TRMT11: variants seen among roughly 807,000 people sequenced by gnomAD.
TRMT11 encodes tRNA methyltransferase 11, also known as tRNA (guanine(10)-N(2))-methyltransferase TRMT11.
A neutral mutation model predicts 62.8 loss-of-function variants in TRMT11; 53 were observed. That is an observed-to-expected ratio of 0.84 (90% CI 0.68 to 1.06). TRMT11 has a LOEUF of 1.06. TRMT11 is among the 50% of genes least tolerant of loss of function. The pLI is 0.00. For missense variants in TRMT11, 556 were observed against 553.4 expected, an observed-to-expected ratio of 1.00 and a Z score of -0.05; for synonymous variants, 188 against 190.3, an observed-to-expected ratio of 0.99 and a Z score of 0.10.
intron 17 of TRMT11, among the ~76,000 whole-genome samples, chr6:126,056,006 C>G (rs1024056986): frequency 6.6e-6 from 1 of 152,194 alleles, no homozygotes; most frequent in African/African-American, 2.4e-5. Flanking sequence ...TCAAACAATA[C>G]AAGAGAGTCC....
chr6:126,133,823 A>G (rs1777817943), intron 21 of TRMT11, among the ~76,000 whole-genome samples: 2 of 151,938 alleles, frequency 1.3e-5, no homozygotes, highest in East Asian at 1.9e-4. Context: ...TTTAGAGAGA[A>G]GTTGAGCACC....
At chr6:126,046,014 T>C (rs1261587437) in intron 16 of TRMT11, among the ~76,000 whole-genome samples, 3 of 152,086 alleles carry the variant, frequency 2.0e-5, no homozygotes, top group African/African-American at 7.2e-5. Flanking sequence ...CATTAACTAG[T>C]ATTTGGTCTT....
rs762819323 is a variant in TRMT11 at position 125,996,054 on chromosome 6, A to C, written c.212+14A>C. ...AGTGTGTGCCAAGTAAGAGAAACTT[A>C]TGTTCTCCTGCATGAATATACTGGT... is the stretch of plus-strand genomic sequence containing the variant. On this transcript the variant is annotated intron_variant, in intron 3 of 12. Transcript: ENST00000334379. The C allele has an allele frequency of 5.9e-5, 92 of 1,562,190 alleles. No individual in the cohort carries two copies. Among genetic ancestry groups the C allele is most frequent in the Admixed American group, 1.3e-4 (8 of 59,870 alleles).
At chr6:126,116,589 A>G (rs1777589926) in intron 21 of TRMT11, among the ~76,000 whole-genome samples, 2 of 152,090 alleles carry the variant, frequency 1.3e-5, no homozygotes, top group South Asian at 2.1e-4. Flanking sequence ...GGCACGTTGG[A>G]GACCATCCTG....
intron 17 of TRMT11, among the ~76,000 whole-genome samples, chr6:126,087,207 C>T (rs921335932): frequency 6.6e-5 from 10 of 152,100 alleles, no homozygotes; most frequent in African/African-American, 2.4e-4. Flanking sequence ...TTCAAAGACA[C>T]AAATGACATT....
chr6:126,242,108 G>A, the TRMT11 span, among the ~76,000 whole-genome samples: 1 of 152,100 alleles, frequency 6.6e-6, no homozygotes, highest in Non-Finnish European at 1.5e-5. Context: ...AAATCAATGT[G>A]CAAAAATCAC....
Position 125,995,986 on chromosome 6 carries a change from G to T in TRMT11, c.158G>T (p.Ser53Ile). 6.2e-7 allele frequency: 1 copy of T among 1,611,088 alleles called. No individual in the cohort carries two copies. Among genetic ancestry groups the T allele is most frequent in the Non-Finnish European group, 8.5e-7 (1 of 1,177,322 alleles). Reference protein sequence around the residue: ...TYGKSPFWILSIPSEDIARNL... With the variant: ...TYGKSPFWILIIPSEDIARNL... ...TTTTAGTCACCATTTTGGATTCTTAGCATTCCCTCTGAAGATATTGCAAGA... is the reference window on the plus strand; with the variant it reads ...TTTTAGTCACCATTTTGGATTCTTATCATTCCCTCTGAAGATATTGCAAGA... The change falls in exon 3 of 13, where the codon AGC becomes ATC. Residue 53 changes from serine (S) to isoleucine (I), a missense_variant. Physicochemically the swap from Ser to Ile is moderately radical, Grantham distance 142 (BLOSUM62 -2). Transcript: ENST00000334379.
intron 21 of TRMT11, among the ~76,000 whole-genome samples, chr6:126,120,088 A>G (rs936818687): frequency 3.9e-5 from 6 of 152,106 alleles, no homozygotes; most frequent in African/African-American, 1.4e-4. Context: ...AGCCTGACCA[A>G]CATGGTGAAA....
intron 12 of TRMT11, among the ~76,000 whole-genome samples, chr6:126,033,882 A>G (rs1732553462): frequency 6.6e-6 from 1 of 152,166 alleles, no homozygotes. Context: ...TTCTTTGGCA[A>G]GTGTGTTAAA....
chr6:126,101,988 A>G (rs1468096909), intron 17 of TRMT11, among the ~76,000 whole-genome samples: 1 of 152,230 alleles, frequency 6.6e-6, no homozygotes, highest in African/African-American at 2.4e-5. Flanking sequence ...CCATCAGCTA[A>G]CCAGAAGACT....
At chr6:126,004,312 C>T (rs1793003215) in intron 7 of TRMT11, among the ~76,000 whole-genome samples, 1 of 151,916 alleles carries the variant, frequency 6.6e-6, no homozygotes, top group Non-Finnish European at 1.5e-5. Context: ...TTTAGGGCAG[C>T]TCCTCACAGT....
At chr6:126,083,079 A>G (rs894098659) in intron 17 of TRMT11, among the ~76,000 whole-genome samples, 1 of 152,196 alleles carries the variant, frequency 6.6e-6, no homozygotes, top group African/African-American at 2.4e-5. Flanking sequence ...TCCAAAGAAG[A>G]CATAAAAATG....
chr6:126,260,577 T>C, the TRMT11 span, among the ~76,000 whole-genome samples: 2 of 152,336 alleles, frequency 1.3e-5, no homozygotes, highest in South Asian at 2.1e-4. Context: ...CCATTTTCAG[T>C]TGTAGCACTC....
chr6:126,020,682 C>T (rs554544766), intron 11 of TRMT11, among the ~76,000 whole-genome samples: 55 of 152,148 alleles, frequency 3.6e-4, no homozygotes, highest in Non-Finnish European at 6.5e-4. Context: ...TTAAATTAGA[C>T]GTTTAAATTT....
At chr6:126,015,299 C>T (rs1453796794) in intron 11 of TRMT11, among the ~76,000 whole-genome samples, 1 of 143,630 alleles carries the variant, frequency 7.0e-6, no homozygotes, top group African/African-American at 2.7e-5. Flanking sequence ...GATCTTGGCT[C>T]ACTGCAAGCT....
chr6:126,202,137 A>G (rs144685285), exon 4 of TRMT11: 1 of 152,344 alleles, frequency 6.6e-6, no homozygotes, highest in East Asian at 1.9e-4. Context: ...ACTCATATGT[A>G]GCCCTGGTAC....
intron 3 of TRMT11, among the ~76,000 whole-genome samples, chr6:126,200,616 A>G (rs534390968): frequency 2.0e-5 from 3 of 152,250 alleles, no homozygotes; most frequent in Non-Finnish European, 2.9e-5. Flanking sequence ...GTGCAGTGGC[A>G]CAATCTCGGC....
chr6:126,076,592 C>G (rs1414929106), intron 17 of TRMT11, among the ~76,000 whole-genome samples: 1 of 152,174 alleles, frequency 6.6e-6, no homozygotes, highest in Non-Finnish European at 1.5e-5. Context: ...TTTCACTCCA[C>G]AAAACTTCAA....
At chr6:126,242,149 CAGAG>C in the TRMT11 span, among the ~76,000 whole-genome samples, 79 of 152,074 alleles carry the variant, frequency 5.2e-4, no homozygotes, top group African/African-American at 1.9e-3. Flanking sequence ...AACAGACAAA[CAGAG>C]AGCCAAATCA....
Sources: gnomAD v4.1 joint callset for allele counts (sites outside exome capture counted in the v4.1 genomes callset) on GRCh38, gnomAD v4.1.1 for gene constraint, MANE v1.5 for transcripts, NCBI Gene and HGNC (gene_info 2026-07-23, HGNC 2026-07-21) for gene names.